CEP152: variants seen among roughly 807,000 people sequenced by gnomAD.
CEP152 encodes centrosomal protein 152.
A neutral mutation model predicts 188.9 loss-of-function variants in CEP152; 132 were observed. That is an observed-to-expected ratio of 0.70 (90% CI 0.61 to 0.81). CEP152 has a LOEUF of 0.81. Ranked by LOEUF, CEP152 falls within the 30% of genes least tolerant of loss-of-function variation. The pLI, the probability that CEP152 is intolerant of heterozygous loss-of-function variation, is 0.00. For missense variants in CEP152, 1,914 were observed against 1,969.8 expected (o/e 0.97, Z 0.54); for synonymous variants, 649 against 666.6 (o/e 0.97, Z 0.41).
At chr15:48,731,511 C>T (rs1892421669) in intron 2 of CEP152, among the ~76,000 whole-genome samples, 1 of 152,116 alleles carries the variant, frequency 6.6e-6, no homozygotes, top group Admixed American at 6.5e-5. Flanking sequence ...GGACCCCTTC[C>T]TTACACCTTA....
downstream of CEP152, among the ~76,000 whole-genome samples, chr15:48,736,422 A>T (rs1056779866): frequency 6.6e-6 from 1 of 152,146 alleles, no homozygotes; most frequent in Non-Finnish European, 1.5e-5. Context: ...CAGCAACATT[A>T]AAAAAAGGGC....
intron 2 of CEP152, among the ~76,000 whole-genome samples, chr15:48,803,160 T>A (rs1251321094): frequency 6.6e-6 from 1 of 152,206 alleles, no homozygotes; most frequent in Non-Finnish European, 1.5e-5. Flanking sequence ...GAAAGCAATA[T>A]GCATTAGCCC....
Position 48,738,769 on chromosome 15 carries a change from C to T in CEP152, c.4613G>A (p.Cys1538Tyr). 1 of 1,614,160 alleles carries T rather than the reference C, an allele frequency of 6.2e-7. No homozygotes were observed. The highest frequency in any genetic ancestry group is 1.3e-5 in the African/African-American group (1 of 75,032). The change falls in exon 27 of 27, where the codon TGC becomes TAC. Residue 1538 changes from cysteine to tyrosine, a missense_variant. Physicochemically the swap from Cys to Tyr is radical, Grantham distance 194. Transcript: ENST00000380950. ...NERLGLKVYK[C>Y]NPLMESENAA... ...ATTTTCACTTTCCATTAGTGGATTG[C>T]ATTTATATACTTTTAAACCAAGTCT...
At chr15:48,739,317 A>G in intron 26 of CEP152, 29 bp from the exon 27 acceptor site, 1 of 1,580,946 alleles carries the variant, frequency 6.3e-7, no homozygotes, top group Non-Finnish European at 8.5e-7. Context: ...CACGAAATTA[A>G]GAGAAAATTA....
intron 9 of CEP152, among the ~76,000 whole-genome samples, chr15:48,787,923 C>G (rs1381028327): frequency 1.3e-5 from 2 of 152,176 alleles, no homozygotes; most frequent in Non-Finnish European, 2.9e-5. Flanking sequence ...AATAAAAATT[C>G]ACTGTGCAAT....
intron 2 of CEP152, among the ~76,000 whole-genome samples, chr15:48,801,174 T>C (rs1897645168): frequency 6.6e-6 from 1 of 152,208 alleles, no homozygotes; most frequent in Non-Finnish European, 1.5e-5. Context: ...CTAAAAAGAT[T>C]CTGATATTTT....
At chr15:48,756,602 C>T in intron 19 of CEP152, 49 bp from the exon 20 acceptor site, 1 of 1,566,972 alleles carries the variant, frequency 6.4e-7, no homozygotes. Context: ...GATTCTCCTC[C>T]TTCGCAAAAA....
rs2289180 is a variant in CEP152, at chr15:48,782,505, C to G, written c.1322-275G>C. On this transcript the variant is annotated intron_variant, in intron 10 of 26. Transcript: ENST00000380950. The stretch of plus-strand genomic sequence containing the variant: ...GAATCAAATCAGTCACATTTACAGA[C>G]CTTAACATTCCGGAAGTCCTTTAAT... Among the ~76,000 whole-genome samples the G allele has an allele frequency of 0.21, 31,339 of 152,024 alleles. 4,166 individuals are homozygous for G. The highest frequency in any genetic ancestry group is 0.47 in the East Asian group (2,440 of 5,170).
chr15:48,778,970 A>G (rs1165309963), intron 12 of CEP152, among the ~76,000 whole-genome samples: 1 of 152,044 alleles, frequency 6.6e-6, no homozygotes, highest in African/African-American at 2.4e-5. Flanking sequence ...AAAAAGATGA[A>G]TACAGGATTT....
At chr15:48,781,820 C>A (rs541918273) in intron 11 of CEP152, among the ~76,000 whole-genome samples, 5 of 152,264 alleles carry the variant, frequency 3.3e-5, no homozygotes, top group Admixed American at 3.3e-4. Context: ...GAGGATATGA[C>A]AGAATTGCAG....
In CEP152 at chr15:48,749,907, ATACTT is replaced by A. The variant is rs377439115; in HGVS notation, c.3467-1302_3467-1298del. Among the ~76,000 whole-genome samples the A allele has an allele frequency of 4.3e-3, 649 of 152,230 alleles. 7 individuals carry two copies. Among genetic ancestry groups the A allele is most frequent in the African/African-American group, 0.014 (598 of 41,572 alleles). On this transcript the variant is annotated intron_variant, in intron 21 of 26. Coordinates refer to ENST00000380950, the MANE Select transcript of CEP152 (RefSeq NM_001194998.2). ...TAGAATACAACAGTAGATTAATACAATACTTTAATGTTAAATTTACTGTACTAAGG... is the reference window on the plus strand; with the variant it reads ...TAGAATACAACAGTAGATTAATACAATAATGTTAAATTTACTGTACTAAGG...
chr15:48,738,216 T>C lies in CEP152; in HGVS notation c.*33A>G, dbSNP rs766414465. ...GTCTTCCCTTCCATTTTTGTTAATA[T>C]ATTAATGATTCTTCTTAAATACTGT... is the stretch of plus-strand genomic sequence containing the variant. On this transcript the variant is annotated 3_prime_UTR_variant, in exon 27 of 27. Coordinates refer to ENST00000380950, the MANE Select transcript of CEP152 (RefSeq NM_001194998.2). 7 of 1,569,174 alleles carry C rather than the reference T, an allele frequency of 4.5e-6. No homozygotes were observed. The highest frequency in any genetic ancestry group is 2.3e-5 in the South Asian group (2 of 85,484).
intron 26 of CEP152, 87 bp from the exon 27 acceptor site, chr15:48,739,375 A>T (rs1365112073): frequency 1.9e-5 from 28 of 1,439,924 alleles, no homozygotes; most frequent in Non-Finnish European, 2.4e-5. Flanking sequence ...AAAAAAAATT[A>T]AAAATAAGAA....
At chr15:48,793,856 A>T (rs1897137684) in intron 6 of CEP152, among the ~76,000 whole-genome samples, 1 of 152,258 alleles carries the variant, frequency 6.6e-6, no homozygotes, top group African/African-American at 2.4e-5. Flanking sequence ...AATGAAATAA[A>T]GTAATATGCT....
intron 8 of CEP152, chr15:48,789,452 G>C (rs1595682969): frequency 9.3e-6 from 2 of 215,584 alleles, no homozygotes; most frequent in East Asian, 2.1e-4. Context: ...AGTTTTCAAA[G>C]CTGTAACTGC....
In CEP152 at chr15:48,769,073, T is replaced by C; in HGVS notation, c.1791A>G (p.Thr597=). Reference sequence around the variant, plus strand: ...GATTCTTTGGTTTTTCTGAGGTATCTGTTTTAGTCTGAATATTAAAAGGTC... The same window carrying C: ...GATTCTTTGGTTTTTCTGAGGTATCCGTTTTAGTCTGAATATTAAAAGGTC... ...DEKSIEVETK[T]DTSEKPKNQL... The change falls in exon 14 of 27, where the codon ACA becomes ACG. Residue 597 remains threonine, a synonymous_variant. Transcript: ENST00000380950. 6.2e-7 allele frequency: 1 copy of C among 1,604,558 alleles called. No homozygotes were observed. The highest frequency in any genetic ancestry group is 8.5e-7 in the Non-Finnish European group (1 of 1,173,744).
At chr15:48,798,173 A>C in intron 2 of CEP152, 122 bp from the exon 3 acceptor site, 1 of 727,538 alleles carries the variant, frequency 1.4e-6, no homozygotes, top group South Asian at 1.5e-5. Flanking sequence ...TCCCTCCTTT[A>C]ATTAACTTCT....
chr15:48,734,214 T>C (rs1566968562), downstream of CEP152, among the ~76,000 whole-genome samples: 1 of 140,726 alleles, frequency 7.1e-6, no homozygotes, highest in Admixed American at 6.8e-5. Context: ...TACATATACA[T>C]ATATATATAT....
chr15:48,772,872 T>C (rs1332906590), intron 12 of CEP152, among the ~76,000 whole-genome samples, 181 bp from the exon 13 acceptor site: 1 of 152,230 alleles, frequency 6.6e-6, no homozygotes, highest in Non-Finnish European at 1.5e-5. Flanking sequence ...CATGTCTCTA[T>C]ATACAGAAAT....
Sources: allele counts gnomAD v4.1 joint callset (sites outside exome capture counted in the v4.1 genomes callset), GRCh38; gene constraint gnomAD v4.1.1; transcripts MANE v1.5; gene names NCBI Gene and HGNC (gene_info 2026-07-23, HGNC 2026-07-21).